The following GCKR variants were observed in gnomAD, a reference collection of about 807,000 sequenced individuals.
GCKR encodes glucokinase regulatory protein.
GCKR carries 73 observed loss-of-function variants against 82.9 expected under a neutral mutation model. That is an observed-to-expected ratio of 0.88 (90% CI 0.73 to 1.07). The LOEUF (loss-of-function observed/expected upper bound fraction) is 1.07, where lower values mean the gene tolerates loss of function less well. Among genes scored for constraint, GCKR ranks in the 50% least tolerant of loss-of-function variants. The pLI, the probability that GCKR is intolerant of heterozygous loss-of-function variation, is 0.00. For missense variants in GCKR, 784 were observed against 782.1 expected, an observed-to-expected ratio of 1.00 and a Z score of -0.03; for synonymous variants, 294 against 291.8, an observed-to-expected ratio of 1.01 and a Z score of -0.08.
chr2:27,499,882 C>T (rs372659581), intron 7 of GCKR, among the ~76,000 whole-genome samples: 15 of 151,894 alleles, frequency 9.9e-5, no homozygotes, highest in South Asian at 8.3e-4. Flanking sequence ...CTCAGCCTCC[C>T]GAAAAGCTGG....
At chr2:27,501,313 G>T in intron 8 of GCKR, 84 bp downstream of exon 8, 1 of 873,650 alleles carries the variant, frequency 1.1e-6, no homozygotes. Flanking sequence ...ACAAGGGAGA[G>T]AACAGATAGT....
At position 27,523,354 on chromosome 2, in the gene GCKR, G is replaced by A. The variant is rs762709855; in HGVS notation, c.1793G>A (p.Cys598Tyr). The A allele has an allele frequency of 6.2e-7, 1 of 1,612,814 alleles. No homozygotes were observed. Among genetic ancestry groups the A allele is most frequent in the South Asian group, 1.1e-5 (1 of 91,084 alleles). ...QAHLAAAPSV[C>Y]EAVRSALAGP... is the part of the protein sequence containing the mutation. Reference sequence around the variant, plus strand: ...CACCTGGCTGCAGCTCCTTCTGTCTGTGAGGCTGTCAGGAGTGCTCTTGCT... The same window carrying A: ...CACCTGGCTGCAGCTCCTTCTGTCTATGAGGCTGTCAGGAGTGCTCTTGCT... The change falls in exon 19 of 19, where the codon TGT (cysteine) becomes TAT (tyrosine). Residue 598 changes from cysteine (C) to tyrosine (Y), a missense_variant. Cys to Tyr is a radical substitution (Grantham distance 194). Transcript: ENST00000264717.
At chr2:27,511,798 G>C (rs1157670690) in intron 16 of GCKR, among the ~76,000 whole-genome samples, 1 of 152,086 alleles carries the variant, frequency 6.6e-6, no homozygotes, top group East Asian at 1.9e-4. Flanking sequence ...CGAAGTGACA[G>C]TGGATACACT....
intron 8 of GCKR, 113 bp from the exon 9 acceptor site, chr2:27,503,401 T>C (rs531486128): frequency 2.8e-6 from 2 of 724,784 alleles, no homozygotes; most frequent in African/African-American, 1.7e-5. Context: ...TGTATGAAGT[T>C]GTTGACCTCT....
At chr2:27,517,381 A>G (rs572599261) in intron 16 of GCKR, among the ~76,000 whole-genome samples, 1 of 152,260 alleles carries the variant, frequency 6.6e-6, no homozygotes, top group East Asian at 1.9e-4. Context: ...GAAACTTACA[A>G]TCATGGTGGA....
At chr2:27,497,507 C>A in intron 2 of GCKR, 55 bp from the exon 3 acceptor site, 1 of 1,556,384 alleles carries the variant, frequency 6.4e-7, no homozygotes, top group Non-Finnish European at 8.9e-7. Flanking sequence ...GAGACCCCCT[C>A]CCCCATTCAT....
At chr2:27,514,845 A>G (rs900750777) in intron 16 of GCKR, among the ~76,000 whole-genome samples, 11 of 152,246 alleles carry the variant, frequency 7.2e-5, no homozygotes, top group Admixed American at 2.0e-4. Flanking sequence ...TTTCCATACC[A>G]GCAATATACA....
chr2:27,499,260 T>C (rs1402654338), intron 6 of GCKR, 52 bp downstream of exon 6: 1 of 1,430,472 alleles, frequency 7.0e-7, no homozygotes, highest in South Asian at 1.1e-5. Context: ...TTCCTTCTCA[T>C]GGGGACATAA....
Position 27,523,278 on chromosome 2 carries a change from A to T in GCKR, c.1717A>T (p.Ile573Phe). ...VAHEKEQVIP[I>F]ALLSLLFRCS... is the part of the protein sequence containing the mutation. Reference sequence around the variant, plus strand: ...TGCCTCTTCCCCACAGGTGATACCCATCGCCTTGCTGAGCCTCCTATTCCG... The same window carrying T: ...TGCCTCTTCCCCACAGGTGATACCCTTCGCCTTGCTGAGCCTCCTATTCCG... The change falls in exon 19 of 19, where the codon ATC becomes TTC. Residue 573 changes from isoleucine (I) to phenylalanine (F), a missense_variant. Transcript: ENST00000264717. The T allele has an allele frequency of 6.2e-7, 1 of 1,612,678 alleles. No individual in the cohort carries two copies. Among genetic ancestry groups the T allele is most frequent in the Non-Finnish European group, 8.5e-7 (1 of 1,179,770 alleles).
chr2:27,498,377 C>A, intron 4 of GCKR, 54 bp downstream of exon 4: 1 of 1,355,074 alleles, frequency 7.4e-7, no homozygotes, highest in Non-Finnish European at 1.1e-6. Flanking sequence ...AGGTGACCCT[C>A]AGGACCATAA....
chr2:27,508,896 A>C (rs1410413992), intron 16 of GCKR, among the ~76,000 whole-genome samples: 2 of 150,486 alleles, frequency 1.3e-5, no homozygotes, highest in African/African-American at 4.9e-5. Context: ...CAAGTTTACT[A>C]TGCTGAATTC....
intron 17 of GCKR, among the ~76,000 whole-genome samples, chr2:27,521,727 A>T (rs1305384102): frequency 2.7e-5 from 4 of 148,814 alleles, no homozygotes; most frequent in African/African-American, 4.9e-5. Flanking sequence ...CTTTATTTTT[A>T]TTTTTTTTAG....
chr2:27,498,542 C>T (rs1203443756), intron 4 of GCKR, among the ~76,000 whole-genome samples, 182 bp from the exon 5 acceptor site: 1 of 152,144 alleles, frequency 6.6e-6, no homozygotes, highest in Non-Finnish European at 1.5e-5. Flanking sequence ...GTCTCTACAT[C>T]CCATGCACCA....
intron 11 of GCKR, 51 bp downstream of exon 11, chr2:27,506,630 T>C (rs1317910301): frequency 1.5e-6 from 2 of 1,298,424 alleles, no homozygotes; most frequent in Non-Finnish European, 1.1e-6. Flanking sequence ...TGGAGAATAC[T>C]GAGAGCAGGG....
chr2:27,508,215 A>G lies in GCKR; in HGVS notation c.1386A>G (p.Pro462=), dbSNP rs1228352400. 1 of 1,612,060 alleles carries G rather than the reference A, an allele frequency of 6.2e-7. No homozygotes were observed. Among genetic ancestry groups the G allele is most frequent in the East Asian group, 2.2e-5 (1 of 44,870 alleles). ...LFPSIISITW[P]LLFFEYEGNF... is the part of the protein sequence containing the mutation. The stretch of plus-strand genomic sequence containing the variant: ...CCTCCATCATCAGCATCACATGGCC[A>G]CTGCTTTTCTTTGAATATGAAGGGA... The change falls in exon 16 of 19, where the codon CCA becomes CCG. Residue 462 remains proline, a synonymous_variant. Coordinates refer to ENST00000264717, the MANE Select transcript of GCKR (RefSeq NM_001486.4).
At position 27,498,264 on chromosome 2, in the gene GCKR, G is replaced by A. The variant is rs779531311; in HGVS notation, c.295G>A (p.Gly99Arg). 38 of 1,612,462 alleles carry A rather than the reference G, an allele frequency of 2.4e-5. No homozygotes were observed. Among genetic ancestry groups the A allele is most frequent in the Non-Finnish European group, 2.5e-5 (29 of 1,178,666 alleles). The change falls in exon 4 of 19, where the codon GGG becomes AGG. Residue 99 changes from glycine to arginine, a missense_variant. Physicochemically the swap from Gly to Arg is moderately radical, Grantham distance 125. Transcript: ENST00000264717. ...KVQEVLKEPD[G>R]GLVVLSGGGT... is the part of the protein sequence containing the mutation. ...CTCTTTCCTTCTTCAGGAGCCAGAT[G>A]GGGGGCTGGTTGTGCTGAGTGGAGG...
At chr2:27,499,321 C>G in intron 6 of GCKR, 76 bp from the exon 7 acceptor site, 1 of 1,369,102 alleles carries the variant, frequency 7.3e-7, no homozygotes, top group Non-Finnish European at 1.0e-6. Context: ...TGTTCCTGGC[C>G]CTGATATCCT....
chr2:27,517,699 G>A (rs1028045212), intron 16 of GCKR, among the ~76,000 whole-genome samples: 1 of 152,158 alleles, frequency 6.6e-6, no homozygotes, highest in African/African-American at 2.4e-5. Flanking sequence ...CTGCTAATGT[G>A]CCAATAGGTG....
intron 8 of GCKR, among the ~76,000 whole-genome samples, chr2:27,502,949 C>T (rs1468434472): frequency 6.6e-6 from 1 of 152,230 alleles, no homozygotes; most frequent in Admixed American, 6.5e-5. Flanking sequence ...GTCTGTAGCT[C>T]TCTTGCCTCA....
Sources: allele counts gnomAD v4.1 joint callset (sites outside exome capture counted in the v4.1 genomes callset), GRCh38; gene constraint gnomAD v4.1.1; transcripts MANE v1.5; gene names NCBI Gene and HGNC (gene_info 2026-07-23, HGNC 2026-07-21).